PTPRM: variants seen among roughly 807,000 people sequenced by gnomAD.
PTPRM encodes the protein receptor-type tyrosine-protein phosphatase mu.
Under a neutral mutation model 186.7 loss-of-function variants are expected in PTPRM, and 47 were observed. That is an observed-to-expected ratio of 0.25 (90% CI 0.20 to 0.32). The LOEUF (loss-of-function observed/expected upper bound fraction) is 0.32. Ranked by LOEUF, PTPRM falls within the 10% of genes least tolerant of loss-of-function variation. The pLI, the probability that PTPRM is intolerant of heterozygous loss-of-function variation, is 1.00. For missense variants in PTPRM, 1,494 were observed against 1,865.0 expected, an observed-to-expected ratio of 0.80 and a Z score of 3.66; for synonymous variants, 668 against 674.9, an observed-to-expected ratio of 0.99 and a Z score of 0.16.
At chr18:7,744,250 G>A (rs1237469292) in intron 1 of PTPRM, among the ~76,000 whole-genome samples, 2 of 152,126 alleles carry the variant, frequency 1.3e-5, no homozygotes, top group Non-Finnish European at 2.9e-5. Flanking sequence ...AAGTCATAAA[G>A]GCAAGCTAGT....
chr18:7,658,503 C>T (rs1312566094), intron 1 of PTPRM, among the ~76,000 whole-genome samples: 1 of 151,942 alleles, frequency 6.6e-6, no homozygotes, highest in East Asian at 1.9e-4. Flanking sequence ...TCCTTATTTC[C>T]ATGATACTCA....
At chr18:7,737,765 A>C (rs2040802258) in intron 1 of PTPRM, among the ~76,000 whole-genome samples, 1 of 152,166 alleles carries the variant, frequency 6.6e-6, no homozygotes, top group African/African-American at 2.4e-5. Flanking sequence ...AGTCACGATG[A>C]GAATCTGGCA....
chr18:7,883,528 G>A (rs983131060), intron 2 of PTPRM, among the ~76,000 whole-genome samples: 12 of 152,170 alleles, frequency 7.9e-5, no homozygotes, highest in Non-Finnish European at 1.5e-5. Context: ...CTTTACTGCA[G>A]GTTGCTAGAC....
intron 7 of PTPRM, among the ~76,000 whole-genome samples, chr18:8,053,531 A>G (rs771491470): frequency 4.9e-4 from 74 of 152,164 alleles, no homozygotes; most frequent in Non-Finnish European, 8.2e-4. Flanking sequence ...CTGTTCTTTC[A>G]GCAACACCAC....
intron 1 of PTPRM, among the ~76,000 whole-genome samples, chr18:7,752,029 C>T (rs2041242835): frequency 6.6e-6 from 1 of 152,224 alleles, no homozygotes; most frequent in South Asian, 2.1e-4. Context: ...GTTGCCCATG[C>T]AGAGTTGTTG....
chr18:7,575,311 C>A (rs1374891829), intron 1 of PTPRM, among the ~76,000 whole-genome samples: 1 of 152,202 alleles, frequency 6.6e-6, no homozygotes, highest in Non-Finnish European at 1.5e-5. Context: ...GGTGTAGCTG[C>A]GTCCCTTAAC....
chr18:7,646,985 G>A (rs1252675819), intron 1 of PTPRM, among the ~76,000 whole-genome samples: 3 of 152,112 alleles, frequency 2.0e-5, no homozygotes, highest in African/African-American at 7.2e-5. Context: ...CTAGCATTTT[G>A]CATGCTTTAC....
chr18:7,604,082 A>C (rs934688034), intron 1 of PTPRM, among the ~76,000 whole-genome samples: 13 of 152,212 alleles, frequency 8.5e-5, no homozygotes, highest in African/African-American at 3.1e-4. Context: ...TGTATTGATC[A>C]GTGTAGTTAC....
At chr18:8,344,428 A>T (rs1568792139) in intron 23 of PTPRM, among the ~76,000 whole-genome samples, 1 of 27,844 alleles carries the variant, frequency 3.6e-5, no homozygotes, top group Non-Finnish European at 1.0e-4. Flanking sequence ...GGAGATATAT[A>T]TATGTGTGTG....
intron 1 of PTPRM, among the ~76,000 whole-genome samples, chr18:7,624,874 A>G (rs989236042): frequency 6.6e-5 from 10 of 152,246 alleles, no homozygotes; most frequent in African/African-American, 2.4e-4. Flanking sequence ...CTCCTAGAAC[A>G]GTGCTGGGCG....
intron 1 of PTPRM, among the ~76,000 whole-genome samples, chr18:7,638,200 A>G (rs2038363828): frequency 1.3e-5 from 2 of 152,186 alleles, no homozygotes; most frequent in Non-Finnish European, 2.9e-5. Flanking sequence ...CAGCGAAACC[A>G]GATTAGTAGA....
chr18:8,023,891 G>C (rs2085394864), intron 7 of PTPRM, among the ~76,000 whole-genome samples: 1 of 141,852 alleles, frequency 7.0e-6, no homozygotes. Context: ...TCCTATGAAT[G>C]AACCATTTTC....
At chr18:8,305,094 C>T (rs1472220707) in intron 20 of PTPRM, among the ~76,000 whole-genome samples, 1 of 152,176 alleles carries the variant, frequency 6.6e-6, no homozygotes, top group Non-Finnish European at 1.5e-5. Context: ...CTCTTCTTCA[C>T]TCTGTAATAT....
At position 8,067,966 on chromosome 18, in the gene PTPRM, G is replaced by A. The variant is rs150313383; in HGVS notation, c.1133-1720G>A. Among the ~76,000 whole-genome samples, 850 of 152,212 alleles carry A rather than the reference G, an allele frequency of 5.6e-3. 2 individuals are homozygous for A. Among genetic ancestry groups the A allele is most frequent in the Middle Eastern group, 0.01 (3 of 294 alleles). ...GAAGTCTTAGTATCTTTAATATCCT[G>A]ATTTCTTCTTATTTGATTCTCTTTA... On this transcript the variant is annotated intron_variant, in intron 7 of 32. Transcript: ENST00000580170.
At chr18:7,632,585 C>T (rs914918431) in intron 1 of PTPRM, among the ~76,000 whole-genome samples, 9 of 152,180 alleles carry the variant, frequency 5.9e-5, no homozygotes, top group South Asian at 2.1e-4. Flanking sequence ...CAAGTTGGGG[C>T]GGCTGAAAAA....
At chr18:7,728,664 C>T (rs952085956) in intron 1 of PTPRM, among the ~76,000 whole-genome samples, 1 of 152,242 alleles carries the variant, frequency 6.6e-6, no homozygotes, top group Admixed American at 6.5e-5. Flanking sequence ...GACCAGCAGT[C>T]CGGTCTTCAG....
chr18:7,739,927 G>A (rs574474133), intron 1 of PTPRM, among the ~76,000 whole-genome samples: 40 of 152,202 alleles, frequency 2.6e-4, no homozygotes, highest in African/African-American at 8.2e-4. Context: ...CTGTATTGAC[G>A]TGAAAAAATG....
At chr18:8,094,953 C>G (rs1244363212) in intron 11 of PTPRM, among the ~76,000 whole-genome samples, 1 of 152,158 alleles carries the variant, frequency 6.6e-6, no homozygotes, top group East Asian at 1.9e-4. Context: ...GTTAAAAATT[C>G]CATCTTAAGG....
At chr18:8,209,075 T>G (rs958040774) in intron 14 of PTPRM, among the ~76,000 whole-genome samples, 1 of 152,148 alleles carries the variant, frequency 6.6e-6, no homozygotes, top group Non-Finnish European at 1.5e-5. Flanking sequence ...GCTTCAGCTT[T>G]TATTCTGAAT....
Sources: gnomAD v4.1 joint callset for allele counts (sites outside exome capture counted in the v4.1 genomes callset) on GRCh38, gnomAD v4.1.1 for gene constraint, MANE v1.5 for transcripts, NCBI Gene and HGNC (gene_info 2026-07-23, HGNC 2026-07-21) for gene names.